CAPN5: variants seen among roughly 807,000 people sequenced by gnomAD.
CAPN5 encodes the protein calpain 5.
CAPN5 carries 54 observed loss-of-function variants against 73.0 expected under a neutral mutation model. The observed-to-expected ratio is 0.74, with a 90% CI of 0.59 to 0.93. The LOEUF is 0.93. Among genes scored for constraint, CAPN5 ranks in the 40% least tolerant of loss-of-function variants. The pLI, the probability that CAPN5 is intolerant of heterozygous loss-of-function variation, is 0.00. For missense variants in CAPN5, 785 were observed against 882.9 expected (o/e 0.89, Z 1.41); for synonymous variants, 335 against 356.9 (o/e 0.94, Z 0.69).
chr11:77,110,066 C>G (rs2135470757), intron 3 of CAPN5, among the ~76,000 whole-genome samples: 1 of 151,878 alleles, frequency 6.6e-6, no homozygotes, highest in South Asian at 2.1e-4. Flanking sequence ...GGACCTCAGT[C>G]TTCCCATTTG....
rs564632586 is a variant in CAPN5 at position 77,123,696 on chromosome 11, C to G, written c.1749C>G (p.Asn583Lys). The change falls in exon 13 of 13, where the codon AAC becomes AAG. Residue 583 changes from asparagine (N) to lysine (K), a missense_variant. Asn to Lys is a moderately conservative substitution (Grantham distance 94). Coordinates refer to ENST00000648180, the MANE Select transcript of CAPN5 (RefSeq NM_004055.5). The part of the protein sequence containing the change: ...LSQPITVQVW[N>K]HRVLKDEFLG... ...CCTCTGTCTCTTCCCAGGTCTGGAACCACCGAGTGCTGAAGGATGAATTTC... is the reference window on the plus strand; with the variant it reads ...CCTCTGTCTCTTCCCAGGTCTGGAAGCACCGAGTGCTGAAGGATGAATTTC... 6.2e-7 allele frequency: 1 copy of G among 1,613,404 alleles called. No individual in the cohort carries two copies. Among genetic ancestry groups the G allele is most frequent in the African/African-American group, 1.3e-5 (1 of 75,028 alleles).
At chr11:77,116,192 G>C in intron 6 of CAPN5, 34 bp from the exon 7 acceptor site, 2 of 1,578,832 alleles carry the variant, frequency 1.3e-6, no homozygotes, top group Non-Finnish European at 8.6e-7. Context: ...CTCTTAGACA[G>C]CTCCCTTTCT....
At chr11:77,100,754 C>T (rs1362470825) in intron 3 of CAPN5, among the ~76,000 whole-genome samples, 2 of 152,208 alleles carry the variant, frequency 1.3e-5, no homozygotes, top group Admixed American at 6.5e-5. Flanking sequence ...CTGCCATTTT[C>T]CAGCCCATTC....
chr11:77,073,762 G>A (rs1474293637), intron 1 of CAPN5, among the ~76,000 whole-genome samples: 1 of 152,218 alleles, frequency 6.6e-6, no homozygotes, highest in Non-Finnish European at 1.5e-5. Flanking sequence ...AAGGAGAGGG[G>A]AGGGGAGGAA....
At chr11:77,073,400 G>T (rs528008336) in intron 1 of CAPN5, among the ~76,000 whole-genome samples, 1 of 151,992 alleles carries the variant, frequency 6.6e-6, no homozygotes, top group Non-Finnish European at 1.5e-5. Context: ...TTACAACAGC[G>T]GCTCCTGCTG....
At chr11:77,104,927 G>C (rs1950328108) in intron 3 of CAPN5, among the ~76,000 whole-genome samples, 1 of 152,202 alleles carries the variant, frequency 6.6e-6, no homozygotes, top group African/African-American at 2.4e-5. Context: ...GGGTGAGAGA[G>C]TGGGAGAGTG....
rs560305394 is a variant in CAPN5 at position 77,122,495 on chromosome 11, G to A, written c.1604-81G>A. On this transcript the variant is annotated intron_variant, in intron 11 of 12. Transcript: ENST00000648180. ...TCCATCTGAATAACTGAGCCGGGTG[G>A]GCATCTCACCTGTAGATATCTGTGG... 313 of 1,187,894 alleles carry A rather than the reference G, an allele frequency of 2.6e-4. No homozygotes were observed. In the South Asian group the frequency reaches 4.1e-3, roughly 15 times the overall value. The allele number at this position is 1,187,894 out of a possible 1,614,324, so 73.6% of individuals were successfully genotyped here. A position where few individuals can be genotyped will look rare whatever the true frequency, so the allele number is the denominator to read the frequency against.
chr11:77,079,020 C>T (rs896609496), intron 1 of CAPN5, among the ~76,000 whole-genome samples: 3 of 151,570 alleles, frequency 2.0e-5, no homozygotes, highest in Non-Finnish European at 4.4e-5. Context: ...ATGTTTTTTG[C>T]CCTTTATTCT....
chr11:77,071,246 G>A (rs1169216269), intron 1 of CAPN5, among the ~76,000 whole-genome samples: 3 of 152,198 alleles, frequency 2.0e-5, no homozygotes, highest in South Asian at 2.1e-4. Context: ...GAGGCTGGGC[G>A]CTGCTGTAGC....
At chr11:77,072,762 T>G (rs1949922298) in intron 1 of CAPN5, among the ~76,000 whole-genome samples, 1 of 152,074 alleles carries the variant, frequency 6.6e-6, no homozygotes, top group Non-Finnish European at 1.5e-5. Context: ...AAACCTTGAG[T>G]CTTGGAGATA....
At chr11:77,087,518 C>T (rs782252749) in intron 2 of CAPN5, among the ~76,000 whole-genome samples, 4 of 152,166 alleles carry the variant, frequency 2.6e-5, no homozygotes, top group Non-Finnish European at 4.4e-5. Context: ...CTCCCAGCCT[C>T]GCTGCCTCTC....
chr11:77,077,177 C>T (rs1423207816), intron 1 of CAPN5, among the ~76,000 whole-genome samples: 2 of 151,934 alleles, frequency 1.3e-5, no homozygotes, highest in African/African-American at 4.8e-5. Flanking sequence ...GCCAACATGG[C>T]GAAACCCCGT....
In CAPN5 at chr11:77,084,856, TC is replaced by T. The variant is rs782086717; in HGVS notation, c.-26del. 10 of 1,613,314 alleles carry T rather than the reference TC, an allele frequency of 6.2e-6. No homozygotes were observed. The highest frequency in any genetic ancestry group is 5.3e-5 in the African/African-American group (4 of 74,842). On this transcript the variant is annotated 5_prime_UTR_variant, in exon 2 of 13. Transcript: ENST00000648180. ...TCTTCTTGCCTTCCTGTCCAGGTGT[TC>T]CCCCTCCCCTCCCTGGGGCAGCAGC...
intron 1 of CAPN5, among the ~76,000 whole-genome samples, chr11:77,076,191 A>G (rs1430925690): frequency 6.6e-6 from 1 of 152,086 alleles, no homozygotes; most frequent in Non-Finnish European, 1.5e-5. Flanking sequence ...GTGAAACCCC[A>G]TCTCTACTAA....
chr11:77,067,819 G>A (rs1949861055), intron 1 of CAPN5, among the ~76,000 whole-genome samples: 1 of 152,018 alleles, frequency 6.6e-6, no homozygotes, highest in Non-Finnish European at 1.5e-5. Flanking sequence ...ATTAACAGGT[G>A]CGACGTTCTC....
Position 77,124,089 on chromosome 11 carries a change from C to G in CAPN5, c.*219C>G, listed in dbSNP as rs1369115144. 11 of 576,798 alleles carry G rather than the reference C, an allele frequency of 1.9e-5. No homozygotes were observed. Among genetic ancestry groups the G allele is most frequent in the Non-Finnish European group, 3.1e-5 (10 of 324,980 alleles). The allele number at this position is 576,798 out of a possible 1,614,324, so 35.7% of individuals were successfully genotyped here. A position where few individuals can be genotyped will look rare whatever the true frequency, so the allele number is the denominator to read the frequency against. On this transcript the variant is annotated 3_prime_UTR_variant, in exon 13 of 13. Coordinates refer to ENST00000648180, the MANE Select transcript of CAPN5 (RefSeq NM_004055.5). ...TGGAGGAGTTTCCTTGCTGAGATTT[C>G]AAATAGTCCTCCCCACCTCAACTGT...
intron 2 of CAPN5, 129 bp from the exon 3 acceptor site, chr11:77,093,553 G>T: frequency 7.2e-7 from 1 of 1,388,046 alleles, no homozygotes; most frequent in South Asian, 1.4e-5. Flanking sequence ...TGGGAGGCAG[G>T]TGAATCACCA....
At chr11:77,079,332 G>A (rs1443674956) in intron 1 of CAPN5, among the ~76,000 whole-genome samples, 1 of 152,024 alleles carries the variant, frequency 6.6e-6, no homozygotes, top group Non-Finnish European at 1.5e-5. Context: ...TTCTTGTAGT[G>A]TCTTTATCTG....
chr11:77,118,349 ACAGGTGGGCGTTCT>A lies in CAPN5; in HGVS notation c.1167+2_1167+15del. On this transcript the variant is annotated splice_donor_variant and splice_donor_5th_base_variant and coding_sequence_variant and intron_variant, in exon 8 of 13. Transcript: ENST00000648180. LOFTEE classifies it high-confidence loss of function. ...ACAAGGACACCTTCTTCCAGAACCC[ACAGGTGGGCGTTCT>A]CAGGAACCCCCACCCTGCCCTGTAG... The A allele has an allele frequency of 6.3e-7, 1 of 1,575,052 alleles. No individual in the cohort carries two copies. The highest frequency in any genetic ancestry group is 8.6e-7 in the Non-Finnish European group (1 of 1,159,118).
Sources: allele counts gnomAD v4.1 joint callset (sites outside exome capture counted in the v4.1 genomes callset), GRCh38; gene constraint gnomAD v4.1.1; transcripts MANE v1.5; gene names NCBI Gene and HGNC (gene_info 2026-07-23, HGNC 2026-07-21).